Variants in ARHGEF9 observed in about 807,000 individuals in gnomAD.
ARHGEF9 encodes the protein rho guanine nucleotide exchange factor 9.
ARHGEF9 carries 2 observed loss-of-function variants against 41.3 expected under a neutral mutation model. That is an observed-to-expected ratio of 0.05 (90% CI 0.02 to 0.15). The LOEUF (loss-of-function observed/expected upper bound fraction) is 0.15, where lower values mean the gene tolerates loss of function less well. Among genes scored for constraint, ARHGEF9 ranks in the 10% least tolerant of loss-of-function variants. ARHGEF9 has a pLI of 1.00. For synonymous variants in ARHGEF9, 160 were observed against 154.4 expected, an observed-to-expected ratio of 1.04 and a Z score of -0.27; for missense variants, 225 against 424.7, an observed-to-expected ratio of 0.53 and a Z score of 4.13.
chrX:63,777,212 A>G (rs1394446617), intron 1 of ARHGEF9, among the ~76,000 whole-genome samples: 3 of 111,630 alleles, frequency 2.7e-5, no homozygotes, highest in African/African-American at 9.8e-5. Context: ...ACACATCATT[A>G]TTCACATGGA....
chrX:63,736,900 T>C (rs2054644186), intron 1 of ARHGEF9: 1 of 110,276 alleles, frequency 9.1e-6, no homozygotes, highest in African/African-American at 3.3e-5. Flanking sequence ...ATGTGTTTTA[T>C]AAAAAAAAAC....
intron 5 of ARHGEF9, among the ~76,000 whole-genome samples, chrX:63,677,966 C>T (rs1276191354): frequency 3.6e-5 from 4 of 111,991 alleles, no homozygotes; most frequent in Non-Finnish European, 7.5e-5. Context: ...TTGGGGCTAA[C>T]TTTCAGACCC....
intron 1 of ARHGEF9, among the ~76,000 whole-genome samples, chrX:63,770,338 G>A (rs1252075903): frequency 8.9e-6 from 1 of 112,499 alleles, no homozygotes; most frequent in Non-Finnish European, 1.9e-5. Context: ...AAACTTGCAT[G>A]GGGCCTGGAG....
chrX:63,758,642 C>G (rs1234655497), intron 1 of ARHGEF9, among the ~76,000 whole-genome samples: 1 of 111,460 alleles, frequency 9.0e-6, no homozygotes, highest in African/African-American at 3.3e-5. Flanking sequence ...TGCCTCAGGG[C>G]CTATATAAAC....
At chrX:63,640,770 C>T (rs1244785809) in intron 9 of ARHGEF9, 1 of 111,320 alleles carries the variant, frequency 9.0e-6, no homozygotes, top group Non-Finnish European at 1.9e-5. Context: ...GAGTAGTTAC[C>T]TATCTAATGA....
chrX:63,755,013 C>T (rs2055875690), intron 1 of ARHGEF9: 2 of 938,722 alleles, frequency 2.1e-6, no homozygotes, highest in Non-Finnish European at 2.6e-6. Flanking sequence ...CCCCTACTCC[C>T]TTTACTTCGC....
In ARHGEF9 at chrX:63,682,241, G is replaced by A. The variant is rs1160534910; in HGVS notation, c.583-3669C>T. On this transcript the variant is annotated intron_variant, in intron 4 of 9. Coordinates refer to ENST00000671741, the MANE Select transcript of ARHGEF9 (RefSeq NM_001353921.2). ...CAGAAATACAAGAAAAGGGCCAGGCGCTGTGGCTCACGCCTATAATCCTAG... is the reference window on the plus strand; with the variant it reads ...CAGAAATACAAGAAAAGGGCCAGGCACTGTGGCTCACGCCTATAATCCTAG... 3.6e-5 allele frequency among the ~76,000 whole-genome samples: 4 copies of A among 111,464 alleles called. No homozygotes were observed. The South Asian group carries it at 1.1e-3, about 31-fold the overall frequency.
intron 3 of ARHGEF9, among the ~76,000 whole-genome samples, chrX:63,700,712 A>G (rs2052097842): frequency 9.0e-6 from 1 of 110,826 alleles, no homozygotes; most frequent in Non-Finnish European, 1.9e-5. Flanking sequence ...GAAAAGCAAC[A>G]TCATGAAGAA....
intron 4 of ARHGEF9, among the ~76,000 whole-genome samples, chrX:63,691,378 T>A (rs1602418064): frequency 9.2e-6 from 1 of 108,208 alleles, no homozygotes; most frequent in South Asian, 4.0e-4. Flanking sequence ...AAAAAAGCAA[T>A]CCCATTTAAA....
intron 7 of ARHGEF9, chrX:63,656,505 C>T (rs1455751651): frequency 2.7e-5 from 3 of 111,410 alleles, no homozygotes; most frequent in Non-Finnish European, 3.8e-5. Context: ...TATTCATTTA[C>T]TTACTTATTT....
chrX:63,724,422 T>G, intron 2 of ARHGEF9, 110 bp downstream of exon 2: 6 of 907,453 alleles, frequency 6.6e-6, no homozygotes, highest in Non-Finnish European at 9.1e-6. Context: ...GAAAAAAATA[T>G]GAGAAAAGCC....
At chrX:63,748,438 A>C (rs2055404954) in intron 1 of ARHGEF9, among the ~76,000 whole-genome samples, 1 of 112,320 alleles carries the variant, frequency 8.9e-6, no homozygotes, top group African/African-American at 3.2e-5. Flanking sequence ...AGGGACTGCT[A>C]ATTTGTAGCA....
At position 63,758,239 on chromosome X, in the gene ARHGEF9, A is replaced by G. The variant is rs2055969727; in HGVS notation, c.30+26877T>C. Among the ~76,000 whole-genome samples, 7 of 109,689 alleles carry G rather than the reference A, an allele frequency of 6.4e-5. No homozygotes were observed. In the South Asian group the frequency reaches 2.8e-3, roughly 45 times the overall value. On this transcript the variant is annotated intron_variant, in intron 1 of 9. Coordinates refer to ENST00000671741, the MANE Select transcript of ARHGEF9 (RefSeq NM_001353921.2). ...ATTCCTAAATTGCAGACAAGGCAGCATGCTCCTAGAGCCCCTGACGCCTCA... is the reference window on the plus strand; with the variant it reads ...ATTCCTAAATTGCAGACAAGGCAGCGTGCTCCTAGAGCCCCTGACGCCTCA...
intron 6 of ARHGEF9, among the ~76,000 whole-genome samples, chrX:63,668,202 C>T (rs782674393): frequency 2.6e-4 from 29 of 110,366 alleles, no homozygotes; most frequent in Non-Finnish European, 5.1e-4. Flanking sequence ...GGCACGATCT[C>T]GGCTCACTGC....
chrX:63,665,577 TG>T (rs1367233099), intron 7 of ARHGEF9, among the ~76,000 whole-genome samples: 1 of 112,573 alleles, frequency 8.9e-6, no homozygotes, highest in Non-Finnish European at 1.9e-5. Context: ...TTTTTACAAA[TG>T]GTGCAGACCA....
chrX:63,704,184 C>T (rs782104529), intron 3 of ARHGEF9, among the ~76,000 whole-genome samples: 2 of 111,594 alleles, frequency 1.8e-5, no homozygotes, highest in African/African-American at 3.3e-5. Flanking sequence ...AGCTACCAAG[C>T]GAAGAATAGA....
chrX:63,677,616 C>T lies in ARHGEF9; in HGVS notation c.815+724G>A, dbSNP rs192496392. Among the ~76,000 whole-genome samples the T allele has an allele frequency of 2.9e-3, 328 of 111,239 alleles. 1 individual carries two copies. Among genetic ancestry groups the T allele is most frequent in the African/African-American group, 0.01 (319 of 30,555 alleles). On this transcript the variant is annotated intron_variant, in intron 5 of 9. Coordinates refer to ENST00000671741, the MANE Select transcript of ARHGEF9 (RefSeq NM_001353921.2). ...TGAGAAAGGGCAGAAATTGATGTCG[C>T]CTGACACTGCCTGAGCTACTCTACT... is the stretch of plus-strand genomic sequence containing the variant.
At chrX:63,713,737 G>A (rs2053107795) in intron 2 of ARHGEF9, among the ~76,000 whole-genome samples, 1 of 95,376 alleles carries the variant, frequency 1.0e-5, no homozygotes, top group Admixed American at 1.1e-4. Context: ...CACACACCCA[G>A]TTTTGGAGCC....
At chrX:63,666,063 G>A (rs1556347764) in intron 6 of ARHGEF9, 46 bp from the exon 7 acceptor site, 1 of 1,206,663 alleles carries the variant, frequency 8.3e-7, no homozygotes, top group Non-Finnish European at 1.1e-6. Context: ...CAGAAGGATG[G>A]CACCATCACC....
Sources: allele counts gnomAD v4.1 joint callset (sites outside exome capture counted in the v4.1 genomes callset), GRCh38; gene constraint gnomAD v4.1.1; transcripts MANE v1.5; gene names NCBI Gene and HGNC (gene_info 2026-07-23, HGNC 2026-07-21).